ARAP1: variants seen among roughly 807,000 people sequenced by gnomAD.
ARAP1 encodes the protein arf-GAP with Rho-GAP domain, ANK repeat and PH domain-containing protein 1.
In ARAP1, 76 loss-of-function variants were observed where a neutral mutation model predicts 172.2. The observed-to-expected ratio is 0.44, with a 90% confidence interval of 0.37 to 0.53. The LOEUF (loss-of-function observed/expected upper bound fraction) is 0.53, where lower values mean the gene tolerates loss of function less well. Ranked by LOEUF, ARAP1 falls within the 20% of genes least tolerant of loss-of-function variation. The pLI is 0.00. For missense variants in ARAP1, 1,686 were observed against 1,977.5 expected, an observed-to-expected ratio of 0.85 and a Z score of 2.80; for synonymous variants, 804 against 803.3, an observed-to-expected ratio of 1.00 and a Z score of -0.01.
intron 3 of ARAP1, chr11:72,722,100 C>T (rs931288020): frequency 8.1e-6 from 8 of 984,908 alleles, no homozygotes; most frequent in Admixed American, 6.2e-5. Flanking sequence ...TCTCTACGTG[C>T]GTGTGTGTTT....
Position 72,726,524 on chromosome 11 carries a change from GCCTTTCT to G in ARAP1, c.509+89_509+95del. 1 of 1,405,142 alleles carries G rather than the reference GCCTTTCT, an allele frequency of 7.1e-7. No homozygotes were observed. The highest frequency in any genetic ancestry group is 2.6e-4 in the Middle Eastern group (1 of 3,812). 87.0% of individuals were successfully genotyped at this position (1,405,142 alleles called of 1,614,324 possible). A position where few individuals can be genotyped will look rare whatever the true frequency, so the allele number is the denominator to read the frequency against. On this transcript the variant is annotated intron_variant, in intron 3 of 34. Coordinates refer to ENST00000393609, the MANE Select transcript of ARAP1 (RefSeq NM_001040118.3). The surrounding 1 kb of genome is among the most constrained non-coding windows in gnomAD (Gnocchi z 6.5). ...GCTGTTCCCCCTGCACTTCCGAAGT[GCCTTTCT>G]TACCCCAGCACCAAAGGCCACAAAC... is the stretch of plus-strand genomic sequence containing the variant.
chr11:72,694,232 C>A (rs1856074201), intron 27 of ARAP1, among the ~76,000 whole-genome samples: 1 of 151,916 alleles, frequency 6.6e-6, no homozygotes, highest in Non-Finnish European at 1.5e-5. Flanking sequence ...TGGACGAAAC[C>A]ATGGCCTTCA....
chr11:72,737,802 T>C (rs1858078534), intron 1 of ARAP1, among the ~76,000 whole-genome samples: 1 of 152,082 alleles, frequency 6.6e-6, no homozygotes, highest in South Asian at 2.1e-4. Flanking sequence ...ATTTGTACTT[T>C]TTGTAGAGAT....
In ARAP1 at chr11:72,697,977, G is replaced by A. The variant is rs1040255392; in HGVS notation, c.2671C>T (p.Leu891Phe). ...EGWFSLSGSE[L>F]RAVFPEGPCE... ...GGCCCCTCCGGGAAGACAGCACGGA[G>A]CTCCGAGCCACTGAGAGAGAACCAG... Residue 891 changes from leucine to phenylalanine, a missense_variant, in exon 19 of 35, where the codon CTC becomes TTC. Physicochemically the swap from Leu to Phe is conservative, Grantham distance 22 (BLOSUM62 0). Coordinates refer to ENST00000393609, the MANE Select transcript of ARAP1 (RefSeq NM_001040118.3). The A allele has an allele frequency of 3.7e-6, 6 of 1,611,536 alleles. No homozygotes were observed. Among genetic ancestry groups the A allele is most frequent in the African/African-American group, 1.3e-5 (1 of 74,906 alleles).
Position 72,705,999 on chromosome 11 carries a change from G to A in ARAP1, c.1724-109C>T, listed in dbSNP as rs192044379. 1,238 of 1,073,876 alleles carry A rather than the reference G, an allele frequency of 1.2e-3. 3 individuals are homozygous for A. Among genetic ancestry groups the A allele is most frequent in the Non-Finnish European group, 1.5e-3 (1,093 of 732,484 alleles). 66.5% of individuals were successfully genotyped at this position (1,073,876 alleles called of 1,614,324 possible). On this transcript the variant is annotated intron_variant, in intron 12 of 34. Transcript: ENST00000393609. ...GGCAGGGATGAGAGGCCACAGGCAG[G>A]CCCCAGGGGGTAGGCCTGCTGGCAG...
At position 72,707,445 on chromosome 11, in the gene ARAP1, C is replaced by G; in HGVS notation, c.1524-71G>C. 3.5e-6 allele frequency: 5 copies of G among 1,420,068 alleles called. No homozygotes were observed. In the Admixed American group the frequency reaches 7.8e-5, roughly 22 times the overall value. 88.0% of individuals were successfully genotyped at this position (1,420,068 alleles called of 1,614,324 possible). On this transcript the variant is annotated intron_variant, in intron 11 of 34. Transcript: ENST00000393609. ...GATTTGGGGGCAGCATGAGGATGCA[C>G]AGAATGAAGTGGGGGACAAGGTGTT... is the stretch of plus-strand genomic sequence containing the variant.
intron 21 of ARAP1, 60 bp downstream of exon 21, chr11:72,697,263 C>T: frequency 6.5e-7 from 1 of 1,528,144 alleles, no homozygotes; most frequent in Non-Finnish European, 8.8e-7. Context: ...CCGCGCAGCT[C>T]TGGGGCGGGA....
chr11:72,717,475 G>A (rs546177807), intron 3 of ARAP1, among the ~76,000 whole-genome samples: 14 of 152,280 alleles, frequency 9.2e-5, no homozygotes, highest in Admixed American at 7.2e-4. Context: ...CCACCTGCTC[G>A]TCCGCATCCC....
At chr11:72,712,699 A>C in intron 5 of ARAP1, 131 bp from the exon 6 acceptor site, 5 of 1,438,306 alleles carry the variant, frequency 3.5e-6, no homozygotes, top group Non-Finnish European at 4.8e-6. Flanking sequence ...CTGTTTCCTC[A>C]CACTCCCCTC....
rs1189468786 is a variant in ARAP1 at position 72,732,559 on chromosome 11, C to T, written c.-89G>A. On this transcript the variant is annotated 5_prime_UTR_variant, in exon 2 of 35. It removes the in-frame stop codon of an upstream open reading frame in the 5' UTR. Coordinates refer to ENST00000393609, the MANE Select transcript of ARAP1 (RefSeq NM_001040118.3). ...GCCCGGGTCCTCCCAGAGACAGCAG[C>T]TATTCTGAAGGGCTCCTCATCTCGG... 6.6e-6 allele frequency: 1 copy of T among 152,552 alleles called. No individual in the cohort carries two copies. The highest frequency in any genetic ancestry group is 2.4e-5 in the African/African-American group (1 of 41,440). The allele number at this position is 152,552 out of a possible 1,614,324, so 9.4% of individuals were successfully genotyped here. A position where few individuals can be genotyped will look rare whatever the true frequency, so the allele number is the denominator to read the frequency against.
At chr11:72,712,670 C>T (rs1179156360) in intron 5 of ARAP1, 102 bp from the exon 6 acceptor site, 4 of 1,570,996 alleles carry the variant, frequency 2.5e-6, no homozygotes, top group Non-Finnish European at 3.5e-6. Context: ...CCGACCCACA[C>T]AGCCCAGCAC....
At chr11:72,748,476 T>C (rs1413646612) in intron 1 of ARAP1, among the ~76,000 whole-genome samples, 2 of 151,010 alleles carry the variant, frequency 1.3e-5, no homozygotes, top group African/African-American at 2.4e-5. Context: ...GCCGAGATCA[T>C]GCCACCACAC....
rs921896709 is a variant in ARAP1 at position 72,726,066 on chromosome 11, TGAG to T, written c.509+551_509+553del. ...AGAAGCCCCAGAGGGGAAACAGTTC[TGAG>T]GAGGGAGGGCATGCCAGATGAGGCC... On this transcript the variant is annotated intron_variant, in intron 3 of 34. Coordinates refer to ENST00000393609, the MANE Select transcript of ARAP1 (RefSeq NM_001040118.3). This position sits in a 1 kb window ranked among gnomAD's most constrained non-coding sequence, Gnocchi z 6.5. 3.3e-5 allele frequency among the ~76,000 whole-genome samples: 5 copies of T among 152,224 alleles called. No homozygotes were observed. Among genetic ancestry groups the T allele is most frequent in the Admixed American group, 2.6e-4 (4 of 15,288 alleles).
At chr11:72,742,521 G>T (rs567513003) in intron 1 of ARAP1, among the ~76,000 whole-genome samples, 1 of 152,174 alleles carries the variant, frequency 6.6e-6, no homozygotes, top group Non-Finnish European at 1.5e-5. Context: ...GCCCAGGGAG[G>T]AGAAGGGGAG....
intron 18 of ARAP1, 111 bp from the exon 19 acceptor site, chr11:72,698,217 C>T: frequency 7.9e-7 from 1 of 1,273,802 alleles, no homozygotes; most frequent in Non-Finnish European, 1.1e-6. Flanking sequence ...GCTGCCTTCT[C>T]TTCTCTTCCC....
intron 33 of ARAP1, 168 bp downstream of exon 33, chr11:72,687,271 G>C: frequency 1.2e-6 from 1 of 842,818 alleles, no homozygotes; most frequent in Non-Finnish European, 1.9e-6. Flanking sequence ...TGGACTAACA[G>C]TAGGTGCTAG....
At chr11:72,730,661 T>C (rs1857838182) in intron 2 of ARAP1, among the ~76,000 whole-genome samples, 1 of 152,128 alleles carries the variant, frequency 6.6e-6, no homozygotes, top group Admixed American at 6.5e-5. Flanking sequence ...GATCACACCA[T>C]TGCATTCCAG....
intron 3 of ARAP1, among the ~76,000 whole-genome samples, chr11:72,721,438 C>T (rs907483026): frequency 6.6e-6 from 1 of 152,154 alleles, no homozygotes; most frequent in African/African-American, 2.4e-5. Context: ...CCCAACGAAT[C>T]CCCAGAGGGG....
chr11:72,706,554 A>G (rs958554801), intron 12 of ARAP1, among the ~76,000 whole-genome samples: 3 of 152,116 alleles, frequency 2.0e-5, no homozygotes, highest in Admixed American at 1.3e-4. Context: ...ACCCTCTCGC[A>G]TTTCATCTTC....
Sources: gnomAD v4.1 joint callset for allele counts (sites outside exome capture counted in the v4.1 genomes callset) on GRCh38, gnomAD v4.1.1 for gene constraint, Gnocchi (gnomAD v3.1) non-coding constraint, MANE v1.5 for transcripts, NCBI Gene and HGNC (gene_info 2026-07-23, HGNC 2026-07-21) for gene names.